PVR: variants seen among roughly 807,000 people sequenced by gnomAD.
PVR encodes PVR cell adhesion molecule.
PVR carries 39 observed loss-of-function variants against 43.3 expected under a neutral mutation model. The ratio of observed to expected loss-of-function variants is 0.90; its 90% CI spans 0.70 to 1.18. PVR has a LOEUF of 1.18. PVR is among the 50% of genes most tolerant of loss of function. The probability of loss-of-function intolerance (pLI) is 0.00; values close to 1 mark genes in which losing one functional copy is unlikely to be tolerated. For missense variants in PVR, 480 were observed against 549.7 expected, an observed-to-expected ratio of 0.87 and a Z score of 1.27; for synonymous variants, 224 against 233.2, an observed-to-expected ratio of 0.96 and a Z score of 0.36.
rs940680131 is a variant in PVR at position 44,664,323 on chromosome 19, C to T, written c.*2512C>T. 3 of 152,136 alleles carry T rather than the reference C, an allele frequency of 2.0e-5. No homozygotes were observed. Among genetic ancestry groups the T allele is most frequent in the African/African-American group, 7.2e-5 (3 of 41,418 alleles). The allele number at this position is 152,136 out of a possible 1,614,324, so 9.4% of individuals were successfully genotyped here. ...TGCTGGGCTCGGGCTATCCTTCCATCTCAGCCTCCCGAGTAGCTGGGACTA... is the reference window on the plus strand; with the variant it reads ...TGCTGGGCTCGGGCTATCCTTCCATTTCAGCCTCCCGAGTAGCTGGGACTA... On this transcript the variant is annotated 3_prime_UTR_variant, in exon 8 of 8. Transcript: ENST00000425690.
At chr19:44,647,125 C>G (rs940285216) in intron 1 of PVR, 98 bp from the exon 2 acceptor site, 1 of 803,572 alleles carries the variant, frequency 1.2e-6, no homozygotes, top group Admixed American at 3.2e-5. Flanking sequence ...AGGGCCCCAG[C>G]GTGCAAGTGC....
rs1412998383 is a variant in PVR at position 44,645,443 on chromosome 19, A to ATATATATATATATATATAT, written c.79+1270_79+1271insTATATATATATATATATTA. On this transcript the variant is annotated intron_variant, in intron 1 of 7. Transcript: ENST00000425690. The stretch of plus-strand genomic sequence containing the variant: ...TATATATATATATATATATATATAT[A>ATATATATATATATATATAT]TAGTGCGTGTGTGCGTGTATGTGTG... Among the ~76,000 whole-genome samples, 115 of 115,590 alleles carry ATATATATATATATATATAT rather than the reference A, an allele frequency of 9.9e-4. 1 individual carries two copies. Among genetic ancestry groups the ATATATATATATATATATAT allele is most frequent in the Non-Finnish European group, 1.7e-3 (101 of 60,034 alleles). 75.8% of individuals were successfully genotyped at this position (115,590 alleles called of 152,430 possible).
chr19:44,653,980 C>T lies in PVR; in HGVS notation c.805C>T (p.Arg269Cys), dbSNP rs3745145. 8 of 1,614,024 alleles carry T rather than the reference C, an allele frequency of 5.0e-6. No homozygotes were observed. The highest frequency in any genetic ancestry group is 1.7e-5 in the Admixed American group (1 of 60,004). Reference protein sequence around the residue: ...QNEATLTCDARSNPEPTGYNW... With the variant: ...QNEATLTCDACSNPEPTGYNW... ...TGAGGCCACCCTGACCTGCGATGCT[C>T]GCAGCAACCCAGAGCCCACAGGCTA... The change falls in exon 4 of 8, where the codon CGC (arginine) becomes TGC (cysteine). Residue 269 changes from arginine to cysteine, a missense_variant. Physicochemically the swap from Arg to Cys is radical, Grantham distance 180. Transcript: ENST00000425690.
rs1407802666 is a variant in PVR at position 44,665,730 on chromosome 19, T to A, written c.*3919T>A. 1 of 152,042 alleles carries A rather than the reference T, an allele frequency of 6.6e-6. No individual in the cohort carries two copies. Among genetic ancestry groups the A allele is most frequent in the Non-Finnish European group, 1.5e-5 (1 of 68,190 alleles). The allele number at this position is 152,042 out of a possible 1,614,324, so 9.4% of individuals were successfully genotyped here. A position where few individuals can be genotyped will look rare whatever the true frequency, so the allele number is the denominator to read the frequency against. On this transcript the variant is annotated 3_prime_UTR_variant, in exon 8 of 8. Transcript: ENST00000425690. Reference sequence around the variant, plus strand: ...TCTGCTGCTCTGCTGTTTGTTCTGCTTTCCTCCACATATTGGCATCACCCT... The same window carrying A: ...TCTGCTGCTCTGCTGTTTGTTCTGCATTCCTCCACATATTGGCATCACCCT...
chr19:44,662,111 C>G lies in PVR; in HGVS notation c.*300C>G. The stretch of plus-strand genomic sequence containing the variant: ...GAGGAGGTGCACAGCACACGTTCCA[C>G]GACAGATGAGGCGACGGCTTCCATC... On this transcript the variant is annotated 3_prime_UTR_variant, in exon 8 of 8. Coordinates refer to ENST00000425690, the MANE Select transcript of PVR (RefSeq NM_006505.5). 1 of 383,538 alleles carries G rather than the reference C, an allele frequency of 2.6e-6. No individual in the cohort carries two copies. Among genetic ancestry groups the G allele is most frequent in the East Asian group, 4.2e-5 (1 of 23,778 alleles). The allele number at this position is 383,538 out of a possible 1,614,324, so 23.8% of individuals were successfully genotyped here. A position where few individuals can be genotyped will look rare whatever the true frequency, so the allele number is the denominator to read the frequency against.
Position 44,661,366 on chromosome 19 carries a change from G to A in PVR, c.1182+43G>A, listed in dbSNP as rs370210721. On this transcript the variant is annotated intron_variant, in intron 7 of 7. Transcript: ENST00000425690. ...GCTAAGGAGGGTGTGGGGTCTGCAC[G>A]AACTACAGACCAGACGTCTTCAGAT... 2.6e-5 allele frequency: 41 copies of A among 1,599,948 alleles called. No individual in the cohort carries two copies. The Admixed American group carries it at 3.7e-4, about 14-fold the overall frequency.
In PVR at chr19:44,649,874, C is replaced by T. The variant is rs753294991; in HGVS notation, c.493C>T (p.Arg165Cys). Reference sequence around the variant, plus strand: ...CACTGGAGAGCCAGTGCCCATGGCCCGCTGCGTCTCCACAGGGGGTCGCCC... The same window carrying T: ...CACTGGAGAGCCAGTGCCCATGGCCTGCTGCGTCTCCACAGGGGGTCGCCC... ...QLTGEPVPMARCVSTGGRPPA... is the reference protein window; with the variant it reads ...QLTGEPVPMACCVSTGGRPPA... Residue 165 changes from arginine to cysteine, a missense_variant, in exon 3 of 8, where the codon CGC becomes TGC. Coordinates refer to ENST00000425690, the MANE Select transcript of PVR (RefSeq NM_006505.5). The T allele has an allele frequency of 2.4e-5, 39 of 1,613,954 alleles. No individual in the cohort carries two copies. Among genetic ancestry groups the T allele is most frequent in the African/African-American group, 1.9e-4 (14 of 74,938 alleles).
rs764078812 is a variant in PVR, at chr19:44,647,544, G to A, written c.401G>A (p.Ser134Asn). ...LFVTFPQGSR[S>N]VDIWLRVLAK... The stretch of plus-strand genomic sequence containing the variant: ...GTCACGTTCCCGCAGGGCAGCAGGA[G>A]CGTGGATATCTGGCTCCGAGTGCTT... The change falls in exon 2 of 8, where the codon AGC becomes AAC. Residue 134 changes from serine (S) to asparagine (N), a missense_variant. By Grantham distance (46) the Ser-to-Asn change is conservative (BLOSUM62 1). Transcript: ENST00000425690. The A allele has an allele frequency of 1.4e-5, 23 of 1,613,234 alleles. No homozygotes were observed. The South Asian group carries it at 2.3e-4, about 16-fold the overall frequency.
chr19:44,647,453 C>T lies in PVR; in HGVS notation c.310C>T (p.Arg104Trp), dbSNP rs1486483556. Residue 104 changes from arginine to tryptophan, a missense_variant, in exon 2 of 8, where the codon CGG becomes TGG. Transcript: ENST00000425690. ...GGCAGCCAGACTGGGCGCGGAGCTG[C>T]GGAATGCCTCGCTGAGGATGTTCGG... ...FVAARLGAEL[R>W]NASLRMFGLR... The T allele has an allele frequency of 3.7e-6, 6 of 1,613,908 alleles. No homozygotes were observed. The highest frequency in any genetic ancestry group is 5.1e-6 in the Non-Finnish European group (6 of 1,179,988).
intron 7 of PVR, 26 bp from the exon 8 acceptor site, chr19:44,661,714 G>A (rs1490323818): frequency 1.9e-6 from 3 of 1,610,536 alleles, no homozygotes; most frequent in Non-Finnish European, 2.5e-6. Flanking sequence ...GAGCCCCAAG[G>A]CTAAAATTTG....
At chr19:44,656,101 AC>A (rs971321306) in intron 4 of PVR, among the ~76,000 whole-genome samples, 9 of 152,088 alleles carry the variant, frequency 5.9e-5, no homozygotes, top group Admixed American at 5.2e-4. Flanking sequence ...AAGAATAGAG[AC>A]AGGATCTCAC....
intron 1 of PVR, among the ~76,000 whole-genome samples, chr19:44,645,781 C>T (rs905875670): frequency 1.7e-4 from 26 of 151,768 alleles, no homozygotes; most frequent in Non-Finnish European, 3.4e-4. Flanking sequence ...GGCAATATGG[C>T]AAGACCCCAT....
intron 1 of PVR, among the ~76,000 whole-genome samples, chr19:44,645,411 T>TTG (rs1257580856): frequency 6.3e-4 from 31 of 49,300 alleles, no homozygotes; most frequent in African/African-American, 7.8e-4. Context: ...TTTATATGTT[T>TTG]TGTGTATATA....
chr19:44,661,696 G>A (rs1305442285), intron 7 of PVR, 44 bp from the exon 8 acceptor site: 1 of 1,570,292 alleles, frequency 6.4e-7, no homozygotes, highest in Admixed American at 1.7e-5. Context: ...GTTTGATTTT[G>A]TTCAAAAGAG....
chr19:44,648,465 T>C (rs1973189881), intron 2 of PVR, among the ~76,000 whole-genome samples: 1 of 151,720 alleles, frequency 6.6e-6, no homozygotes, highest in African/African-American at 2.4e-5. Context: ...GGGATCACCA[T>C]GAGGATTCAA....
Position 44,662,115 on chromosome 19 carries a change from A to C in PVR, c.*304A>C. ...AGGTGCACAGCACACGTTCCACGAC[A>C]GATGAGGCGACGGCTTCCATCTGCC... On this transcript the variant is annotated 3_prime_UTR_variant, in exon 8 of 8. Transcript: ENST00000425690. 1 of 368,380 alleles carries C rather than the reference A, an allele frequency of 2.7e-6. No individual in the cohort carries two copies. Among genetic ancestry groups the C allele is most frequent in the Non-Finnish European group, 5.1e-6 (1 of 197,050 alleles). The allele number at this position is 368,380 out of a possible 1,614,324, so 22.8% of individuals were successfully genotyped here.
At chr19:44,650,210 C>A in intron 3 of PVR, 105 bp downstream of exon 3, 1 of 1,140,938 alleles carries the variant, frequency 8.8e-7, no homozygotes, top group Non-Finnish European at 1.2e-6. Flanking sequence ...CCATCATCTG[C>A]ACCGGCTCCC....
At chr19:44,648,476 A>G in intron 2 of PVR, among the ~76,000 whole-genome samples, 1 of 151,992 alleles carries the variant, frequency 6.6e-6, no homozygotes, top group East Asian at 1.9e-4. Flanking sequence ...GAGGATTCAA[A>G]AAAACTGACC....
chr19:44,660,361 TGGG>T (rs757110372), intron 6 of PVR, among the ~76,000 whole-genome samples: 28 of 152,272 alleles, frequency 1.8e-4, no homozygotes, highest in Non-Finnish European at 3.4e-4. Context: ...ATCTGTAAAA[TGGG>T]GTGATGGTAC....
Sources: gnomAD v4.1 joint callset for allele counts (sites outside exome capture counted in the v4.1 genomes callset) on GRCh38, gnomAD v4.1.1 for gene constraint, MANE v1.5 for transcripts, NCBI Gene and HGNC (gene_info 2026-07-23, HGNC 2026-07-21) for gene names.